Variants in RUVBL1 observed in about 807,000 individuals in gnomAD.
RUVBL1 encodes ruvB-like 1.
RUVBL1 carries 4 observed loss-of-function variants against 52.4 expected under a neutral mutation model. The ratio of observed to expected loss-of-function variants is 0.08; its 90% CI spans 0.04 to 0.17. The LOEUF (loss-of-function observed/expected upper bound fraction) is 0.17. RUVBL1 is among the 10% of genes least tolerant of loss of function. RUVBL1 has a pLI of 1.00. For missense variants in RUVBL1, 298 were observed against 572.8 expected (o/e 0.52, Z 4.90); for synonymous variants, 217 against 214.4 (o/e 1.01, Z -0.10).
chr3:128,124,428 G>T (rs1943750301), upstream of RUVBL1, among the ~76,000 whole-genome samples: 2 of 151,960 alleles, frequency 1.3e-5, no homozygotes, highest in Admixed American at 6.6e-5. Context: ...AGCGGAAAGA[G>T]GCCCATCCGC....
chr3:128,114,538 G>T (rs897364944), intron 2 of RUVBL1, among the ~76,000 whole-genome samples: 9 of 152,146 alleles, frequency 5.9e-5, no homozygotes, highest in Non-Finnish European at 1.5e-5. Context: ...GATCACAAGT[G>T]GCAAACTCGT....
chr3:128,100,471 A>G (rs1188270001), intron 6 of RUVBL1, 124 bp downstream of exon 6: 9 of 1,163,762 alleles, frequency 7.7e-6, no homozygotes, highest in Non-Finnish European at 1.1e-5. Flanking sequence ...ATTGCTGAAC[A>G]TTACAGATAG....
At chr3:128,124,343 T>C (rs896025209), upstream of RUVBL1, among the ~76,000 whole-genome samples, 14 of 150,524 alleles carry the variant, frequency 9.3e-5, no homozygotes, top group Non-Finnish European at 1.5e-4. Flanking sequence ...TTCAGTTGAC[T>C]GTAAATAACA....
chr3:128,074,204 A>G (rs1442338778), intron 9 of RUVBL1, among the ~76,000 whole-genome samples: 1 of 152,228 alleles, frequency 6.6e-6, no homozygotes. Flanking sequence ...GTGGCCATCA[A>G]CAGGCAAATG....
intron 3 of RUVBL1, among the ~76,000 whole-genome samples, chr3:128,111,219 CAA>C (rs11289688): frequency 0.16 from 19,948 of 128,572 alleles, 1,511 homozygotes; most frequent in African/African-American, 0.21. Context: ...GACTCTCTCT[CAA>C]AAAAAAAAAA....
rs570822207 is a variant in RUVBL1 at position 128,073,756 on chromosome 3, G to T, written c.940-8536C>A. The stretch of plus-strand genomic sequence containing the variant: ...GGGTTCTGCAGTGTCTGTCAAACCT[G>T]TGGGCCTTGTTCCCTCTGCTGTCTG... On this transcript the variant is annotated intron_variant, in intron 9 of 9. Coordinates refer to the RUVBL1 transcript ENST00000464873. Among the ~76,000 whole-genome samples, 3 of 152,328 alleles carry T rather than the reference G, an allele frequency of 2.0e-5. No homozygotes were observed. In the South Asian group the frequency reaches 6.2e-4, roughly 32 times the overall value.
intron 4 of RUVBL1, among the ~76,000 whole-genome samples, chr3:128,104,433 C>G (rs1393419140): frequency 2.0e-5 from 3 of 152,166 alleles, no homozygotes; most frequent in African/African-American, 7.2e-5. Context: ...AAAATTAATG[C>G]CCAGGTTCAG....
intron 1 of RUVBL1, among the ~76,000 whole-genome samples, chr3:128,129,981 C>T (rs898772441): frequency 1.3e-5 from 2 of 152,152 alleles, no homozygotes; most frequent in South Asian, 4.1e-4. Flanking sequence ...AGCCGCCTAA[C>T]TGTACACATA....
At chr3:128,078,626 A>G (rs565088401), downstream of RUVBL1, 16 of 152,092 alleles carry the variant, frequency 1.1e-4, no homozygotes, top group African/African-American at 3.9e-4. Flanking sequence ...CTTTAATATT[A>G]CAACAATTTT....
intron 1 of RUVBL1, among the ~76,000 whole-genome samples, chr3:128,121,503 A>G (rs1309895214): frequency 6.6e-6 from 1 of 151,422 alleles, no homozygotes; most frequent in African/African-American, 2.4e-5. Flanking sequence ...TGAGGTCAGG[A>G]GTTCAAGACC....
intron 8 of RUVBL1, among the ~76,000 whole-genome samples, chr3:128,089,860 A>C (rs1052079561): frequency 1.4e-5 from 2 of 145,350 alleles, no homozygotes; most frequent in Non-Finnish European, 3.0e-5. Context: ...CAGTGAGCCA[A>C]GACTATGCCA....
chr3:128,111,733 C>CCT (rs1259707909), intron 3 of RUVBL1, among the ~76,000 whole-genome samples: 1 of 152,156 alleles, frequency 6.6e-6, no homozygotes, highest in Non-Finnish European at 1.5e-5. Context: ...TAACCATGGC[C>CCT]CTACCTGATC....
At chr3:128,150,866 ATATATATATATTCTATATATATATTC>A (rs1478833377) in intron 1 of RUVBL1, among the ~76,000 whole-genome samples, 1 of 55,830 alleles carries the variant, frequency 1.8e-5, no homozygotes, top group African/African-American at 8.0e-5. Context: ...ATTATATATT[ATATATATATATTCTATATATATATTC>A]TATATATATA....
chr3:128,081,205 C>G lies in RUVBL1; in HGVS notation c.*45G>C. 1 of 1,587,230 alleles carries G rather than the reference C, an allele frequency of 6.3e-7. No individual in the cohort carries two copies. Among genetic ancestry groups the G allele is most frequent in the Non-Finnish European group, 8.6e-7 (1 of 1,161,744 alleles). ...AAGCGCCCACAGGCTGGACCCAGGC[C>G]AGGCACACCTGGGGAGTCTCTTACT... On this transcript the variant is annotated 3_prime_UTR_variant, in exon 11 of 11. Coordinates refer to ENST00000322623, the MANE Select transcript of RUVBL1 (RefSeq NM_003707.3). This position sits in a 1 kb window ranked among gnomAD's most constrained non-coding sequence, Gnocchi z 4.8.
chr3:128,093,429 T>C (rs1203500885), intron 8 of RUVBL1, among the ~76,000 whole-genome samples: 1 of 150,620 alleles, frequency 6.6e-6, no homozygotes, highest in Non-Finnish European at 1.5e-5. Context: ...TGCACAACTC[T>C]GTGAATACAC....
At chr3:128,105,045 G>T in intron 3 of RUVBL1, 121 bp from the exon 4 acceptor site, 1 of 995,162 alleles carries the variant, frequency 1.0e-6, no homozygotes, top group Non-Finnish European at 1.4e-6. Context: ...ATTCCAGGGT[G>T]TCATGATGGG....
rs1462709838 is a variant in RUVBL1 at position 128,123,753 on chromosome 3, G to A, written c.-29C>T. 3 of 1,583,952 alleles carry A rather than the reference G, an allele frequency of 1.9e-6. No homozygotes were observed. Among genetic ancestry groups the A allele is most frequent in the African/African-American group, 1.3e-5 (1 of 74,414 alleles). On this transcript the variant is annotated 5_prime_UTR_variant, in exon 1 of 11. In the 5' UTR this introduces an upstream ATG that the reference lacks. Coordinates refer to ENST00000322623, the MANE Select transcript of RUVBL1 (RefSeq NM_003707.3). The stretch of plus-strand genomic sequence containing the variant: ...GCAGACGCCGGGAGCTAAAACCAGC[G>A]TGGAAAACCAGCAGCTAGGACAGTG...
intron 1 of RUVBL1, among the ~76,000 whole-genome samples, chr3:128,131,593 T>C (rs1428580304): frequency 6.6e-6 from 1 of 152,216 alleles, no homozygotes; most frequent in East Asian, 1.9e-4. Context: ...AACAAAATTC[T>C]AGCAAACCCA....
chr3:128,153,729 G>C, exon 1 of RUVBL1: 5 of 1,555,344 alleles, frequency 3.2e-6, no homozygotes, highest in Non-Finnish European at 4.3e-6. Flanking sequence ...TCCAGGCAGC[G>C]CCCGAGGCCG....
Sources: gnomAD v4.1 joint callset for allele counts (sites outside exome capture counted in the v4.1 genomes callset) on GRCh38, gnomAD v4.1.1 for gene constraint, Gnocchi (gnomAD v3.1) non-coding constraint, MANE v1.5 for transcripts, NCBI Gene and HGNC (gene_info 2026-07-23, HGNC 2026-07-21) for gene names.